Variants in LRP1B observed in about 807,000 individuals in gnomAD.
LRP1B encodes the protein low-density lipoprotein receptor-related protein 1B.
Under a neutral mutation model 556.6 loss-of-function variants are expected in LRP1B, and 217 were observed. The ratio of observed to expected loss-of-function variants is 0.39; its 90% confidence interval spans 0.35 to 0.44. The LOEUF is 0.44. Among genes scored for constraint, LRP1B ranks in the 20% least tolerant of loss-of-function variants. The pLI, the probability that LRP1B is intolerant of heterozygous loss-of-function variation, is 1.00. For synonymous variants in LRP1B, 2,047 were observed against 1,865.8 expected (o/e 1.10, Z -2.50); for missense variants, 5,053 against 5,620.8 (o/e 0.90, Z 3.23).
intron 43 of LRP1B, among the ~76,000 whole-genome samples, chr2:140,542,518 T>C (rs575438672): frequency 6.6e-6 from 1 of 152,242 alleles, no homozygotes; most frequent in South Asian, 2.1e-4. Flanking sequence ...GGGACTAGAT[T>C]GATCTTTTCA....
chr2:140,977,539 T>A (rs1361411348), intron 18 of LRP1B, among the ~76,000 whole-genome samples: 1 of 152,152 alleles, frequency 6.6e-6, no homozygotes. Flanking sequence ...CAAATACACA[T>A]GGTACAAGGA....
chr2:142,091,453 A>T (rs1559066349), intron 1 of LRP1B, among the ~76,000 whole-genome samples: 1 of 152,186 alleles, frequency 6.6e-6, no homozygotes, highest in South Asian at 2.1e-4. Flanking sequence ...TCTTAGAAGT[A>T]TAGCTAAAAC....
At chr2:141,560,772 G>T (rs551536486) in intron 2 of LRP1B, among the ~76,000 whole-genome samples, 7 of 151,534 alleles carry the variant, frequency 4.6e-5, no homozygotes, top group Non-Finnish European at 8.9e-5. Flanking sequence ...TTTCAGGTCA[G>T]AAGATTTAGT....
chr2:141,211,828 C>T (rs1210503809), intron 6 of LRP1B, among the ~76,000 whole-genome samples: 1 of 152,140 alleles, frequency 6.6e-6, no homozygotes, highest in Non-Finnish European at 1.5e-5. Context: ...CTCAGATCAA[C>T]ATATTTGATA....
At chr2:141,469,286 G>A (rs1169291465) in intron 3 of LRP1B, among the ~76,000 whole-genome samples, 2 of 152,096 alleles carry the variant, frequency 1.3e-5, no homozygotes, top group African/African-American at 4.8e-5. Flanking sequence ...GACTGACTAC[G>A]GTGAGCTCAG....
chr2:141,643,398 A>G (rs181668661), intron 2 of LRP1B, among the ~76,000 whole-genome samples: 39 of 152,344 alleles, frequency 2.6e-4, no homozygotes, highest in Admixed American at 2.0e-3. Flanking sequence ...ACCAGGGAAT[A>G]TACATATTTA....
intron 35 of LRP1B, among the ~76,000 whole-genome samples, chr2:140,750,330 G>A (rs1688532238): frequency 6.6e-6 from 1 of 152,042 alleles, no homozygotes; most frequent in African/African-American, 2.4e-5. Flanking sequence ...AGACCAAATG[G>A]GAGGAATCTG....
intron 43 of LRP1B, among the ~76,000 whole-genome samples, chr2:140,588,761 C>T (rs1382078420): frequency 6.6e-6 from 1 of 152,012 alleles, no homozygotes; most frequent in Non-Finnish European, 1.5e-5. Flanking sequence ...GTCAGGAGAT[C>T]AGCCTGGCTA....
chr2:141,452,709 T>G (rs1186584512), intron 3 of LRP1B, among the ~76,000 whole-genome samples: 2 of 152,222 alleles, frequency 1.3e-5, no homozygotes, highest in Non-Finnish European at 2.9e-5. Flanking sequence ...CTAGTTTGCT[T>G]GTTTGTAGCT....
intron 57 of LRP1B, among the ~76,000 whole-genome samples, chr2:140,490,133 T>C (rs1688639318): frequency 6.6e-6 from 1 of 152,140 alleles, no homozygotes; most frequent in Non-Finnish European, 1.5e-5. Flanking sequence ...TCCTATTTGC[T>C]TCTTTCATTT....
chr2:141,375,940 G>A lies in LRP1B; in HGVS notation c.343+104456C>T, dbSNP rs72983142. On this transcript the variant is annotated intron_variant, in intron 3 of 90. Coordinates refer to ENST00000389484, the MANE Select transcript of LRP1B (RefSeq NM_018557.3). ...CTCATAATTAAACTCTCAAAATGGC[G>A]CCTTGCTTGTCCTTCCCAGGCAAGC... Among the ~76,000 whole-genome samples, 1,414 of 152,132 alleles carry A rather than the reference G, an allele frequency of 9.3e-3. 18 individuals are homozygous for A. Among genetic ancestry groups the A allele is most frequent in the African/African-American group, 0.031 (1,288 of 41,504 alleles).
At chr2:141,377,148 T>C (rs1003657778) in intron 3 of LRP1B, among the ~76,000 whole-genome samples, 3 of 152,148 alleles carry the variant, frequency 2.0e-5, no homozygotes, top group Admixed American at 2.0e-4. Flanking sequence ...AAGTAATGTA[T>C]CTGTTTTCAT....
chr2:141,846,392 C>T lies in LRP1B; in HGVS notation c.83-35991G>A, dbSNP rs1455178248. 5.9e-5 allele frequency among the ~76,000 whole-genome samples: 9 copies of T among 151,608 alleles called. No individual in the cohort carries two copies. In the South Asian group the frequency reaches 1.2e-3, roughly 21 times the overall value. On this transcript the variant is annotated intron_variant, in intron 1 of 90. Transcript: ENST00000389484. ...AGACTTTGAAATGGCAATGAAAGCA[C>T]TATCCCAGATACTTCACAAAATTCC...
In LRP1B at chr2:140,982,359, T is replaced by C; in HGVS notation, c.2771-83A>G. The stretch of plus-strand genomic sequence containing the variant: ...ATATAATTAAGCATGCAATATTCCT[T>C]TCATACATAAGATAGTATGTTTCTC... On this transcript the variant is annotated intron_variant, in intron 17 of 90. Transcript: ENST00000389484. 5 of 824,508 alleles carry C rather than the reference T, an allele frequency of 6.1e-6. No individual in the cohort carries two copies. The South Asian group carries it at 7.1e-5, about 12-fold the overall frequency. The allele number at this position is 824,508 out of a possible 1,614,324, so 51.1% of individuals were successfully genotyped here. A position where few individuals can be genotyped will look rare whatever the true frequency, so the allele number is the denominator to read the frequency against.
intron 1 of LRP1B, among the ~76,000 whole-genome samples, chr2:142,085,952 A>C (rs1705903050): frequency 6.6e-6 from 1 of 152,198 alleles, no homozygotes; most frequent in Non-Finnish European, 1.5e-5. Context: ...CTCTCAGTGT[A>C]TCCTGCTCAT....
chr2:142,034,533 A>C (rs1273282346), intron 1 of LRP1B, among the ~76,000 whole-genome samples: 1 of 151,642 alleles, frequency 6.6e-6, no homozygotes, highest in African/African-American at 2.4e-5. Context: ...ACCCCATTCA[A>C]TTGGAAGTAC....
At chr2:140,523,917 G>T (rs6715219) in intron 49 of LRP1B, among the ~76,000 whole-genome samples, 28,068 of 151,792 alleles carry the variant, frequency 0.18, 2,803 homozygotes, top group Non-Finnish European at 0.22. Flanking sequence ...CCTAGGAAAA[G>T]AATTTATGAC....
intron 2 of LRP1B, among the ~76,000 whole-genome samples, chr2:141,745,357 C>T (rs1394482897): frequency 6.6e-6 from 1 of 152,144 alleles, no homozygotes; most frequent in East Asian, 1.9e-4. Flanking sequence ...CCGGCATGCT[C>T]TATTTTACTG....
intron 3 of LRP1B, among the ~76,000 whole-genome samples, chr2:141,428,240 T>C (rs1294771580): frequency 6.6e-6 from 1 of 152,182 alleles, no homozygotes; most frequent in Non-Finnish European, 1.5e-5. Context: ...GATTGAATTG[T>C]GATGAGTGAT....
Sources: gnomAD v4.1 joint callset for allele counts (sites outside exome capture counted in the v4.1 genomes callset) on GRCh38, gnomAD v4.1.1 for gene constraint, MANE v1.5 for transcripts, NCBI Gene and HGNC (gene_info 2026-07-23, HGNC 2026-07-21) for gene names.